Variants in PRDM7 observed in about 807,000 individuals in gnomAD.
PRDM7 encodes the protein histone-lysine N-methyltransferase PRDM7.
PRDM7 carries 52 observed loss-of-function variants against 64.3 expected under a neutral mutation model. The ratio of observed to expected loss-of-function variants is 0.81; its 90% CI spans 0.65 to 1.02. The LOEUF is 1.02. Ranked by LOEUF, PRDM7 falls within the 50% of genes least tolerant of loss-of-function variation. The pLI is 0.00. For missense variants in PRDM7, 574 were observed against 597.1 expected (o/e 0.96, Z 0.40); for synonymous variants, 192 against 210.1 (o/e 0.91, Z 0.74).
At chr16:90,060,658 C>A (rs1260572739) in intron 9 of PRDM7, 35 bp from the exon 10 acceptor site, 1 of 1,609,526 alleles carries the variant, frequency 6.2e-7, no homozygotes, top group Non-Finnish European at 8.5e-7. Flanking sequence ...AAGAAAGAGG[C>A]AGTGAGTTCC....
intron 10 of PRDM7, among the ~76,000 whole-genome samples, chr16:90,059,539 T>C (rs9927964): frequency 0.099 from 15,148 of 152,280 alleles, 1,019 homozygotes; most frequent in African/African-American, 0.2. Context: ...TCAGGACCAT[T>C]GCACTAGCTG....
chr16:90,075,243 A>C lies in PRDM7; in HGVS notation c.193+108T>G, dbSNP rs2038019316. On this transcript the variant is annotated intron_variant, in intron 3 of 10. Transcript: ENST00000449207. This position sits in a 1 kb window ranked among gnomAD's most constrained non-coding sequence, Gnocchi z 4.3. ...TTTCCCTCCAGATTTGTCTCCGTGCAAAAGGGAATTGTGGGCAGATGCCGC... is the reference window on the plus strand; with the variant it reads ...TTTCCCTCCAGATTTGTCTCCGTGCCAAAGGGAATTGTGGGCAGATGCCGC... 7 of 1,580,802 alleles carry C rather than the reference A, an allele frequency of 4.4e-6. No individual in the cohort carries two copies. Among genetic ancestry groups the C allele is most frequent in the Non-Finnish European group, 6.1e-6 (7 of 1,152,528 alleles).
chr16:90,069,990 G>A, intron 4 of PRDM7: 1 of 162,266 alleles, frequency 6.2e-6, no homozygotes, highest in Non-Finnish European at 1.4e-5. Flanking sequence ...GGGATGGGGA[G>A]GTGGTAGTGA....
At chr16:90,074,351 C>T (rs557517523) in intron 4 of PRDM7, among the ~76,000 whole-genome samples, 2 of 151,732 alleles carry the variant, frequency 1.3e-5, no homozygotes, top group African/African-American at 2.4e-5. Flanking sequence ...CCAAGGCAGG[C>T]GGATCACTTG....
intron 10 of PRDM7, among the ~76,000 whole-genome samples, chr16:90,059,228 C>T (rs1019119136): frequency 4.6e-5 from 7 of 152,166 alleles, no homozygotes; most frequent in East Asian, 1.9e-4. Context: ...GGTCCTGCTG[C>T]GCCAACTAGG....
intron 8 of PRDM7, 83 bp downstream of exon 8, chr16:90,061,838 T>G (rs2037782516): frequency 1.3e-6 from 2 of 1,587,280 alleles, no homozygotes; most frequent in South Asian, 2.2e-5. Context: ...ACCTATATCC[T>G]AACATGTAGA....
At chr16:90,058,908 T>A (rs1467698821) in intron 10 of PRDM7, among the ~76,000 whole-genome samples, 1 of 152,172 alleles carries the variant, frequency 6.6e-6, no homozygotes, top group South Asian at 2.1e-4. Context: ...GCTCCCTCCC[T>A]GGGCCCTGGG....
At chr16:90,072,955 C>T (rs182610252) in intron 4 of PRDM7, among the ~76,000 whole-genome samples, 9 of 152,274 alleles carry the variant, frequency 5.9e-5, no homozygotes, top group Admixed American at 1.3e-4. Flanking sequence ...TAGACCCAAT[C>T]CAAGTTGCTT....
At chr16:90,066,372 A>C (rs554991053) in intron 5 of PRDM7, among the ~76,000 whole-genome samples, 1 of 151,300 alleles carries the variant, frequency 6.6e-6, no homozygotes, top group East Asian at 1.9e-4. Flanking sequence ...GAGGTTGAAA[A>C]ATCAATTGGA....
Position 90,075,691 on chromosome 16 carries a change from GTTC to G in PRDM7, c.69+148_69+150del. The G allele has an allele frequency of 8.1e-7, 1 of 1,238,242 alleles. No individual in the cohort carries two copies. Among genetic ancestry groups the G allele is most frequent in the African/African-American group, 1.5e-5 (1 of 66,644 alleles). The allele number at this position is 1,238,242 out of a possible 1,614,324, so 76.7% of individuals were successfully genotyped here. ...ACACAGAGCAGTCGCTGATGCTAGT[GTTC>G]TTTTCTCCCCCATGTCCTGGCCAGG... On this transcript the variant is annotated intron_variant, in intron 2 of 10. Coordinates refer to ENST00000449207, the MANE Select transcript of PRDM7 (RefSeq NM_001098173.2). The surrounding 1 kb of genome is among the most constrained non-coding windows in gnomAD (Gnocchi z 4.3).
At chr16:90,063,541 T>C in intron 6 of PRDM7, 71 bp downstream of exon 6, 2 of 1,552,526 alleles carry the variant, frequency 1.3e-6, no homozygotes, top group Non-Finnish European at 1.8e-6. Context: ...CCACCCCACA[T>C]AGGTAGACCA....
chr16:90,075,147 A>G lies in PRDM7; in HGVS notation c.194-124T>C. 1 of 1,350,322 alleles carries G rather than the reference A, an allele frequency of 7.4e-7. No homozygotes were observed. Among genetic ancestry groups the G allele is most frequent in the South Asian group, 1.2e-5 (1 of 81,302 alleles). The allele number at this position is 1,350,322 out of a possible 1,614,324, so 83.6% of individuals were successfully genotyped here. A position where few individuals can be genotyped will look rare whatever the true frequency, so the allele number is the denominator to read the frequency against. ...GTCTGATGAGCTGGGAGAGTCTTGAACAAGGTCAAGATGTGACCTCTGCAT... is the reference window on the plus strand; with the variant it reads ...GTCTGATGAGCTGGGAGAGTCTTGAGCAAGGTCAAGATGTGACCTCTGCAT... On this transcript the variant is annotated intron_variant, in intron 3 of 10. Transcript: ENST00000449207. This position sits in a 1 kb window ranked among gnomAD's most constrained non-coding sequence, Gnocchi z 4.3.
Position 90,075,526 on chromosome 16 carries a change from G to T in PRDM7, c.70-52C>A. On this transcript the variant is annotated intron_variant, in intron 2 of 10. Coordinates refer to ENST00000449207, the MANE Select transcript of PRDM7 (RefSeq NM_001098173.2). This position sits in a 1 kb window ranked among gnomAD's most constrained non-coding sequence, Gnocchi z 4.3. ...TGATTTACTAATACACATCGAGCTGGTCCTTTTCCTCTACCCTGCGTGTAG... is the reference window on the plus strand; with the variant it reads ...TGATTTACTAATACACATCGAGCTGTTCCTTTTCCTCTACCCTGCGTGTAG... 1 of 1,613,994 alleles carries T rather than the reference G, an allele frequency of 6.2e-7. No individual in the cohort carries two copies. Among genetic ancestry groups the T allele is most frequent in the Non-Finnish European group, 8.5e-7 (1 of 1,179,932 alleles).
chr16:90,074,443 G>A (rs1198419985), intron 4 of PRDM7, among the ~76,000 whole-genome samples: 1 of 151,780 alleles, frequency 6.6e-6, no homozygotes, highest in Admixed American at 6.6e-5. Context: ...TGGGCAAAGT[G>A]GTGCACATCT....
chr16:90,061,841 C>G, intron 8 of PRDM7, 80 bp downstream of exon 8: 1 of 1,589,520 alleles, frequency 6.3e-7, no homozygotes, highest in Non-Finnish European at 8.6e-7. Context: ...TATATCCTAA[C>G]ATGTAGAAGG....
At position 90,058,364 on chromosome 16, in the gene PRDM7, G is replaced by T. The variant is rs144617453; in HGVS notation, c.1404C>A (p.Ser468Arg). The T allele has an allele frequency of 3.1e-6, 5 of 1,614,148 alleles. No individual in the cohort carries two copies. The Admixed American group carries it at 5.0e-5, about 16-fold the overall frequency. The change falls in exon 11 of 11, where the codon AGC (serine) becomes AGA (arginine). Residue 468 changes from serine to arginine, a missense_variant. Transcript: ENST00000449207. ...RIPAQGIRIR[S>R]GNILIHAAVM... ...CAGCAGCGTGGATCAGAATATTGCC[G>T]CTCCTGATTCTGATCCCCTGGGCAG...
rs1158445893 is a variant in PRDM7, at chr16:90,060,403, T to C, written c.1171A>G (p.Met391Val). 3 of 1,613,940 alleles carry C rather than the reference T, an allele frequency of 1.9e-6. No individual in the cohort carries two copies. Among genetic ancestry groups the C allele is most frequent in the Non-Finnish European group, 2.5e-6 (3 of 1,179,874 alleles). ...VNCWSGMGMS[M>V]ARNWASSGAA... Reference sequence around the variant, plus strand: ...CCACTTGATGCCCAGTTCCTGGCCATACTCATCCCCATACCAGACCAGCAG... The same window carrying C: ...CCACTTGATGCCCAGTTCCTGGCCACACTCATCCCCATACCAGACCAGCAG... Residue 391 changes from methionine to valine, a missense_variant, in exon 10 of 11, where the codon ATG becomes GTG. Physicochemically the swap from Met to Val is conservative, Grantham distance 21 (BLOSUM62 1). Coordinates refer to ENST00000449207, the MANE Select transcript of PRDM7 (RefSeq NM_001098173.2).
At chr16:90,061,639 A>G (rs1480919174) in intron 8 of PRDM7, 120 bp from the exon 9 acceptor site, 6 of 1,246,692 alleles carry the variant, frequency 4.8e-6, no homozygotes, top group Non-Finnish European at 5.8e-6. Context: ...CTGAGACCAC[A>G]TGGCATGCAC....
At position 90,075,464 on chromosome 16, in the gene PRDM7, G is replaced by A; in HGVS notation, c.80C>T (p.Ala27Val). Residue 27 changes from alanine (A) to valine (V), a missense_variant, in exon 3 of 11, where the codon GCC becomes GTC. Coordinates refer to ENST00000449207, the MANE Select transcript of PRDM7 (RefSeq NM_001098173.2). This position sits in a 1 kb window ranked among gnomAD's most constrained non-coding sequence, Gnocchi z 4.3. ...GAAGTATATGGAAATGTCTTTGAAG[G>A]CATCTTTGACCTAGAGGAAGTAACA... ...RTERKPMVKD[A>V]FKDISIYFTK... 1 of 1,614,110 alleles carries A rather than the reference G, an allele frequency of 6.2e-7. No homozygotes were observed. The highest frequency in any genetic ancestry group is 8.5e-7 in the Non-Finnish European group (1 of 1,180,008).
Sources: allele counts gnomAD v4.1 joint callset (sites outside exome capture counted in the v4.1 genomes callset), GRCh38; gene constraint gnomAD v4.1.1; non-coding constraint Gnocchi (gnomAD v3.1); transcripts MANE v1.5; gene names NCBI Gene and HGNC (gene_info 2026-07-23, HGNC 2026-07-21).